TTC28: variants seen among roughly 807,000 people sequenced by gnomAD.
The protein encoded by TTC28 is tetratricopeptide repeat domain 28.
A neutral mutation model predicts 198.0 loss-of-function variants in TTC28; 61 were observed. The ratio of observed to expected loss-of-function variants is 0.31; its 90% CI spans 0.25 to 0.38. The LOEUF (loss-of-function observed/expected upper bound fraction) is 0.38, where lower values mean the gene tolerates loss of function less well. Among genes scored for constraint, TTC28 ranks in the 10% least tolerant of loss-of-function variants. The pLI, the probability that TTC28 is intolerant of heterozygous loss-of-function variation, is 1.00. For missense variants in TTC28, 2,678 were observed against 3,164.0 expected (o/e 0.85, Z 3.69); for synonymous variants, 1,171 against 1,297.8 (o/e 0.90, Z 2.10).
chr22:28,221,199 G>A (rs2147203331), intron 5 of TTC28, among the ~76,000 whole-genome samples: 1 of 152,264 alleles, frequency 6.6e-6, no homozygotes, highest in Admixed American at 6.5e-5. Context: ...CAGACTCAGT[G>A]TCTGGACTAG....
intron 5 of TTC28, among the ~76,000 whole-genome samples, chr22:28,291,844 G>A (rs923009626): frequency 4.6e-5 from 7 of 152,022 alleles, no homozygotes; most frequent in Non-Finnish European, 1.0e-4. Flanking sequence ...AAAGTCATAA[G>A]AATTTCAGTA....
At chr22:28,470,099 C>G (rs1225358293) in intron 2 of TTC28, among the ~76,000 whole-genome samples, 7 of 152,182 alleles carry the variant, frequency 4.6e-5, no homozygotes, top group Non-Finnish European at 1.5e-5. Context: ...CCTGCCTCGA[C>G]CTCTCAAAGC....
chr22:28,275,889 G>C (rs758479806), intron 5 of TTC28, among the ~76,000 whole-genome samples: 1 of 152,114 alleles, frequency 6.6e-6, no homozygotes, highest in Non-Finnish European at 1.5e-5. Flanking sequence ...AGGGTGGCTA[G>C]GTAATCCTGA....
intron 5 of TTC28, among the ~76,000 whole-genome samples, chr22:28,198,190 T>C (rs536267844): frequency 1.3e-5 from 2 of 152,210 alleles, no homozygotes; most frequent in African/African-American, 2.4e-5. Flanking sequence ...GGCTAGATAA[T>C]TGTTGGTTGT....
intron 2 of TTC28, among the ~76,000 whole-genome samples, chr22:28,594,275 A>C (rs2050496610): frequency 1.3e-5 from 2 of 148,802 alleles, no homozygotes; most frequent in Non-Finnish European, 3.0e-5. Context: ...TAATATAAGA[A>C]GTAATTAATT....
chr22:28,014,702 T>C (rs979552917), intron 13 of TTC28, among the ~76,000 whole-genome samples: 1 of 152,158 alleles, frequency 6.6e-6, no homozygotes, highest in Non-Finnish European at 1.5e-5. Flanking sequence ...TGTGGAGCAA[T>C]TGTGTGCAGG....
intron 5 of TTC28, among the ~76,000 whole-genome samples, chr22:28,227,530 C>G (rs1483177799): frequency 6.6e-6 from 1 of 152,162 alleles, no homozygotes; most frequent in Non-Finnish European, 1.5e-5. Context: ...AGAACTCCTA[C>G]AACCCAATTC....
chr22:28,336,754 C>T (rs191165732), intron 2 of TTC28, among the ~76,000 whole-genome samples: 5 of 152,110 alleles, frequency 3.3e-5, no homozygotes, highest in South Asian at 4.2e-4. Context: ...GTCTTGCTAG[C>T]AGTCTATCAA....
intron 1 of TTC28, among the ~76,000 whole-genome samples, chr22:28,656,858 T>C (rs528653837): frequency 5.9e-5 from 9 of 152,194 alleles, no homozygotes; most frequent in African/African-American, 2.2e-4. Context: ...CACATGTATA[T>C]AACAAATCTG....
intron 2 of TTC28, among the ~76,000 whole-genome samples, chr22:28,325,755 A>C (rs1167291248): frequency 6.6e-6 from 1 of 152,156 alleles, no homozygotes; most frequent in African/African-American, 2.4e-5. Flanking sequence ...CAAAATCATT[A>C]GCCATTAAGA....
At chr22:28,102,605 C>A (rs530000352) in intron 8 of TTC28, among the ~76,000 whole-genome samples, 2 of 152,318 alleles carry the variant, frequency 1.3e-5, no homozygotes, top group African/African-American at 2.4e-5. Flanking sequence ...CACCGTACAA[C>A]TGCACACACA....
intron 2 of TTC28, among the ~76,000 whole-genome samples, chr22:28,601,944 A>G (rs1340331340): frequency 6.6e-6 from 1 of 152,212 alleles, no homozygotes; most frequent in Non-Finnish European, 1.5e-5. Context: ...GACACCTGGC[A>G]CAAGGATCTC....
At chr22:28,422,667 G>C (rs777246508) in intron 2 of TTC28, among the ~76,000 whole-genome samples, 1 of 151,652 alleles carries the variant, frequency 6.6e-6, no homozygotes, top group East Asian at 1.9e-4. Flanking sequence ...AGATGGTCTC[G>C]ATCTCCCGAC....
intron 9 of TTC28, among the ~76,000 whole-genome samples, chr22:28,100,819 G>A (rs988807826): frequency 2.6e-5 from 4 of 152,184 alleles, no homozygotes; most frequent in Admixed American, 6.5e-5. Context: ...TTGTAAAAGA[G>A]GGAGAGAGAG....
At chr22:28,083,756 T>G (rs1180668356) in intron 12 of TTC28, among the ~76,000 whole-genome samples, 1 of 152,206 alleles carries the variant, frequency 6.6e-6, no homozygotes, top group East Asian at 1.9e-4. Flanking sequence ...GAATTCCCTT[T>G]CCTAGTCAAA....
chr22:27,990,748 G>A, intron 20 of TTC28, 41 bp downstream of exon 20: 1 of 1,545,972 alleles, frequency 6.5e-7, no homozygotes, highest in Non-Finnish European at 8.7e-7. Flanking sequence ...GTGGGTTGAG[G>A]GGCTCACCTG....
At chr22:28,655,167 G>C (rs936005248) in intron 1 of TTC28, among the ~76,000 whole-genome samples, 1 of 152,144 alleles carries the variant, frequency 6.6e-6, no homozygotes, top group Admixed American at 6.6e-5. Context: ...CATGTGCTCT[G>C]TGCCAGGCAT....
At chr22:27,992,919 C>T in intron 18 of TTC28, 1 of 550,642 alleles carries the variant, frequency 1.8e-6, no homozygotes, top group Non-Finnish European at 3.2e-6. Context: ...ACCCAGGCAG[C>T]ACCACCCCTA....
intron 3 of TTC28, chr22:28,303,856 C>CAAAAAAAAAA: frequency 1.0e-5 from 1 of 99,452 alleles, no homozygotes; most frequent in African/African-American, 4.2e-5. Context: ...CTTTAAAATA[C>CAAAAAAAAAA]AAAAAAAAAA....
Sources: allele counts gnomAD v4.1 joint callset (sites outside exome capture counted in the v4.1 genomes callset), GRCh38; gene constraint gnomAD v4.1.1; transcripts MANE v1.5; gene names NCBI Gene and HGNC (gene_info 2026-07-23, HGNC 2026-07-21).